PLEKHA7: variants seen among roughly 807,000 people sequenced by gnomAD.
PLEKHA7 encodes pleckstrin homology domain-containing family A member 7.
A neutral mutation model predicts 170.0 loss-of-function variants in PLEKHA7; 104 were observed. The observed-to-expected ratio is 0.61, with a 90% CI of 0.52 to 0.72. PLEKHA7 has a LOEUF of 0.72. Ranked by LOEUF, PLEKHA7 falls within the 30% of genes least tolerant of loss-of-function variation. The pLI is 0.00. For missense variants in PLEKHA7, 1,615 were observed against 1,671.7 expected, an observed-to-expected ratio of 0.97 and a Z score of 0.59; for synonymous variants, 648 against 660.8, an observed-to-expected ratio of 0.98 and a Z score of 0.30.
chr11:16,818,445 T>C (rs1367469734), intron 10 of PLEKHA7, among the ~76,000 whole-genome samples: 1 of 152,210 alleles, frequency 6.6e-6, no homozygotes, highest in Non-Finnish European at 1.5e-5. Context: ...CTTGCTCTAT[T>C]TACCCAAGTC....
chr11:17,006,472 CA>C (rs35511252), intron 3 of PLEKHA7, among the ~76,000 whole-genome samples: 95,897 of 150,976 alleles, frequency 0.64, 31,043 homozygotes, highest in East Asian at 0.96. Context: ...ACTAAAAATA[CA>C]AAAAAATAGC....
At chr11:16,963,774 T>C (rs1862206785) in intron 3 of PLEKHA7, among the ~76,000 whole-genome samples, 1 of 152,224 alleles carries the variant, frequency 6.6e-6, no homozygotes, top group African/African-American at 2.4e-5. Context: ...ATCTGATCAG[T>C]AGGTGCACTG....
intron 3 of PLEKHA7, among the ~76,000 whole-genome samples, chr11:16,991,825 C>T (rs141311995): frequency 4.1e-4 from 62 of 152,190 alleles, no homozygotes; most frequent in South Asian, 6.2e-4. Flanking sequence ...TACTAGCAGA[C>T]GGGGAGAGAA....
intron 3 of PLEKHA7, among the ~76,000 whole-genome samples, chr11:17,008,378 G>A (rs926223092): frequency 2.0e-5 from 3 of 152,194 alleles, no homozygotes; most frequent in Non-Finnish European, 4.4e-5. Flanking sequence ...ATGAAATGAA[G>A]ACGCAGAGGA....
intron 3 of PLEKHA7, among the ~76,000 whole-genome samples, chr11:16,942,116 C>T (rs4756876): frequency 0.9 from 137,492 of 152,288 alleles, 62,188 homozygotes; most frequent in African/African-American, 0.97. Context: ...ATTTTACAGA[C>T]GAGAAAACTG....
chr11:16,931,131 T>C (rs1859891722), intron 3 of PLEKHA7, among the ~76,000 whole-genome samples: 1 of 151,992 alleles, frequency 6.6e-6, no homozygotes, highest in African/African-American at 2.4e-5. Context: ...CAAAACCAAA[T>C]CACAAAACAC....
intron 6 of PLEKHA7, 33 bp from the exon 7 acceptor site, chr11:16,852,388 T>C: frequency 6.3e-7 from 1 of 1,597,590 alleles, no homozygotes; most frequent in African/African-American, 1.3e-5. Context: ...CAGGGTAATA[T>C]CTGAGCATAC....
chr11:16,827,430 C>T (rs1189319817), intron 9 of PLEKHA7, among the ~76,000 whole-genome samples: 1 of 152,202 alleles, frequency 6.6e-6, no homozygotes, highest in African/African-American at 2.4e-5. Flanking sequence ...TGGGCTTAAA[C>T]CCAGGTAGAC....
chr11:16,889,420 A>AAAAAAAAT (rs61086849), intron 3 of PLEKHA7, among the ~76,000 whole-genome samples: 12 of 74,684 alleles, frequency 1.6e-4, no homozygotes, highest in Non-Finnish European at 2.4e-4. Context: ...AAAAAAAAAA[A>AAAAAAAAT]ATATATATAT....
intron 3 of PLEKHA7, among the ~76,000 whole-genome samples, chr11:16,948,476 C>T (rs758576282): frequency 6.6e-6 from 1 of 152,180 alleles, no homozygotes; most frequent in Middle Eastern, 3.4e-3. Context: ...CCTCCATTGC[C>T]TCACCCTCCA....
chr11:16,853,230 T>G (rs1478198881), intron 6 of PLEKHA7, among the ~76,000 whole-genome samples: 1 of 152,222 alleles, frequency 6.6e-6, no homozygotes, highest in Non-Finnish European at 1.5e-5. Flanking sequence ...GCTGTTAAAT[T>G]GTCTTCCTTC....
intron 26 of PLEKHA7, chr11:16,780,908 A>G: frequency 1.2e-6 from 1 of 833,806 alleles, no homozygotes; most frequent in Non-Finnish European, 1.4e-6. Context: ...AGGTGCAGGA[A>G]GCAGGCAGAA....
Position 16,885,839 on chromosome 11 carries a change from C to CA in PLEKHA7, c.222-14658dup, listed in dbSNP as rs1157823249. ...TAAAACCCCATCTCTACTAAAAATACAAAAAAAATTAGCCAGGTGTGGTGG... is the reference window on the plus strand; with the variant it reads ...TAAAACCCCATCTCTACTAAAAATACAAAAAAAAATTAGCCAGGTGTGGTGG... On this transcript the variant is annotated intron_variant, in intron 3 of 26. Transcript: ENST00000531066. Among the ~76,000 whole-genome samples the CA allele has an allele frequency of 6.6e-5, 10 of 150,986 alleles. No homozygotes were observed. In the South Asian group the frequency reaches 1.5e-3, roughly 22 times the overall value.
At chr11:16,981,791 A>G (rs1022973264) in intron 3 of PLEKHA7, among the ~76,000 whole-genome samples, 1 of 152,166 alleles carries the variant, frequency 6.6e-6, no homozygotes, top group Non-Finnish European at 1.5e-5. Flanking sequence ...CAGCAGCAGC[A>G]TTTCAACAGA....
At chr11:16,808,895 A>G (rs186312569) in intron 13 of PLEKHA7, among the ~76,000 whole-genome samples, 2 of 152,346 alleles carry the variant, frequency 1.3e-5, no homozygotes, top group African/African-American at 4.8e-5. Context: ...GAAAGAAGGC[A>G]GGTGTGAAGT....
At chr11:16,821,013 C>T (rs1213066201) in intron 10 of PLEKHA7, among the ~76,000 whole-genome samples, 1 of 152,134 alleles carries the variant, frequency 6.6e-6, no homozygotes, top group Non-Finnish European at 1.5e-5. Flanking sequence ...GATCCATTTG[C>T]TGGCCCCCTA....
rs528856410 is a variant in PLEKHA7, at chr11:17,009,906, G to T, written c.221+4083C>A. 7.2e-4 allele frequency among the ~76,000 whole-genome samples: 110 copies of T among 152,122 alleles called. 1 individual carries two copies. Among genetic ancestry groups the T allele is most frequent in the Middle Eastern group, 3.4e-3 (1 of 294 alleles). ...CGCCTCCCAAAGTGTGGAATTGCAG[G>T]CATGAGCCACTATACCCAGCCAAAA... On this transcript the variant is annotated intron_variant, in intron 3 of 26. Coordinates refer to ENST00000531066, the MANE Select transcript of PLEKHA7 (RefSeq NM_001329630.2).
At chr11:16,858,907 C>T (rs1046730243) in intron 4 of PLEKHA7, among the ~76,000 whole-genome samples, 2 of 152,236 alleles carry the variant, frequency 1.3e-5, no homozygotes, top group Non-Finnish European at 2.9e-5. Context: ...CCTCCCCATA[C>T]TAGCTTCTGG....
rs574167413 is a variant in PLEKHA7, at chr11:16,966,938, T to C, written c.221+47051A>G. On this transcript the variant is annotated intron_variant, in intron 3 of 26. Transcript: ENST00000531066. ...GAGCTGCCCCAGCCTTGTGGCTTCA[T>C]GAAGTGGCGAAATGGTTCATCTACA... 5.3e-5 allele frequency among the ~76,000 whole-genome samples: 8 copies of C among 152,294 alleles called. No individual in the cohort carries two copies. In the East Asian group the frequency reaches 1.5e-3, roughly 29 times the overall value.
Sources: gnomAD v4.1 joint callset for allele counts (sites outside exome capture counted in the v4.1 genomes callset) on GRCh38, gnomAD v4.1.1 for gene constraint, MANE v1.5 for transcripts, NCBI Gene and HGNC (gene_info 2026-07-23, HGNC 2026-07-21) for gene names.